HR: variants seen among roughly 807,000 people sequenced by gnomAD.
The protein encoded by HR is lysine-specific demethylase hairless.
HR carries 83 observed loss-of-function variants against 128.6 expected under a neutral mutation model. The observed-to-expected ratio is 0.65, with a 90% CI of 0.54 to 0.77. HR has a LOEUF of 0.77. Ranked by LOEUF, HR falls within the 30% of genes least tolerant of loss-of-function variation. HR has a pLI of 0.00. For synonymous variants in HR, 681 were observed against 658.2 expected, an observed-to-expected ratio of 1.03 and a Z score of -0.53; for missense variants, 1,490 against 1,574.6, an observed-to-expected ratio of 0.95 and a Z score of 0.91.
In HR at chr8:22,116,326, G is replaced by A. The variant is rs1376240763; in HGVS notation, c.3481C>T (p.Pro1161Ser). Residue 1161 changes from proline (P) to serine (S), a missense_variant, in exon 18 of 19, where the codon CCT (proline) becomes TCT (serine). By Grantham distance (74) the Pro-to-Ser change is moderately conservative (BLOSUM62 -1). Around this residue, in one of 3 missense-constraint regions of HR, gnomAD observed 423 missense variants for 495.9 expected, o/e 0.85. Coordinates refer to ENST00000381418, the MANE Select transcript of HR (RefSeq NM_005144.5). The surrounding 1 kb of genome is among the most constrained non-coding windows in gnomAD (Gnocchi z 4.2). The part of the protein sequence containing the change: ...QLCHQGPSLP[P>S]DCHLLYAQMD... ...TGGGCATAAAGCAGGTGGCAGTCAG[G>A]GGGAAGGCTGGGTCCCTGGTGGCAG... The A allele has an allele frequency of 4.3e-6, 7 of 1,612,586 alleles. No individual in the cohort carries two copies. The highest frequency in any genetic ancestry group is 5.9e-6 in the Non-Finnish European group (7 of 1,179,918).
chr8:22,123,617 T>TTGGGGGGGGCCC, intron 6 of HR, 32 bp downstream of exon 6: 2 of 292,090 alleles, frequency 6.8e-6, no homozygotes, highest in Non-Finnish European at 1.2e-5. Flanking sequence ...GAGGGCTCCA[T>TTGGGGGGGGCCC]CCCGCCCTCC....
At position 22,127,280 on chromosome 8, in the gene HR, A is replaced by AGTGCCGTGTGAGCCAT. The variant is rs764066541; in HGVS notation, c.1146_1161dup (p.Ser388MetfsTer10). The AGTGCCGTGTGAGCCAT allele has an allele frequency of 1.4e-5, 23 of 1,613,096 alleles. No individual in the cohort carries two copies. Among genetic ancestry groups the AGTGCCGTGTGAGCCAT allele is most frequent in the Non-Finnish European group, 1.9e-5 (22 of 1,180,034 alleles). On this transcript the variant is annotated frameshift_variant, in exon 3 of 19. Coordinates refer to ENST00000381418, the MANE Select transcript of HR (RefSeq NM_005144.5). LOFTEE classifies it high-confidence loss of function. The stretch of plus-strand genomic sequence containing the variant: ...CCGCGTGGACATTCAAACTGCTCCG[A>AGTGCCGTGTGAGCCAT]GTGCCGTGTGAGCCATGTCTTCTTC...
At chr8:22,124,366 A>C (rs1444537506) in intron 5 of HR, among the ~76,000 whole-genome samples, 1 of 152,210 alleles carries the variant, frequency 6.6e-6, no homozygotes, top group Non-Finnish European at 1.5e-5. Flanking sequence ...AAGTGCTGGG[A>C]TTACAGGCAT....
chr8:22,127,564 ACG>A lies in HR; in HGVS notation c.876_877del (p.Val293LeufsTer25). On this transcript the variant is annotated frameshift_variant, in exon 3 of 19. Coordinates refer to ENST00000381418, the MANE Select transcript of HR (RefSeq NM_005144.5). LOFTEE classifies it high-confidence loss of function. ...GTTCCCATCGCCTGGCCCAGCCCAG[ACG>A]TTGCCAAGAGTATGAACAAGGCCTG... 6.2e-7 allele frequency: 1 copy of A among 1,613,012 alleles called. No individual in the cohort carries two copies. Among genetic ancestry groups the A allele is most frequent in the Non-Finnish European group, 8.5e-7 (1 of 1,179,988 alleles).
chr8:22,121,008 G>A (rs1826736014), intron 10 of HR, 50 bp from the exon 11 acceptor site: 6 of 1,612,382 alleles, frequency 3.7e-6, no homozygotes, highest in Non-Finnish European at 5.1e-6. Flanking sequence ...CCACAGGGAG[G>A]GCAGGCCCAG....
intron 16 of HR, chr8:22,118,576 C>T: frequency 3.4e-6 from 1 of 297,070 alleles, no homozygotes; most frequent in South Asian, 4.1e-5. Flanking sequence ...CCAGCCCTGC[C>T]ACTGAGCTTC....
Position 22,120,320 on chromosome 8 carries a change from C to T in HR, c.2776+22G>A, listed in dbSNP as rs777004940. 6 of 1,613,608 alleles carry T rather than the reference C, an allele frequency of 3.7e-6. No individual in the cohort carries two copies. In the Admixed American group the frequency reaches 8.3e-5, roughly 22 times the overall value. On this transcript the variant is annotated intron_variant, in intron 12 of 18. Coordinates refer to ENST00000381418, the MANE Select transcript of HR (RefSeq NM_005144.5). ...AGGGCTTGGGCTCCCAGCTCCCTCT[C>T]CCCTGTGTTGGGGACACTTACGCTC...
Position 22,121,475 on chromosome 8 carries a change from G to A in HR, c.2203+138C>T, listed in dbSNP as rs1586376133. ...AAGAAGGTGTTTGGAGGCATGTCCT[G>A]AGGGGAGTAGTGGAGATTATTGGGG... On this transcript the variant is annotated intron_variant, in intron 9 of 18. Coordinates refer to ENST00000381418, the MANE Select transcript of HR (RefSeq NM_005144.5). The A allele has an allele frequency of 7.1e-6, 7 of 989,296 alleles. No homozygotes were observed. In the East Asian group the frequency reaches 1.7e-4, roughly 24 times the overall value. 61.3% of individuals were successfully genotyped at this position (989,296 alleles called of 1,614,324 possible).
chr8:22,125,938 G>A (rs891270606), intron 3 of HR, among the ~76,000 whole-genome samples: 7 of 152,348 alleles, frequency 4.6e-5, no homozygotes, highest in African/African-American at 1.2e-4. Flanking sequence ...TGAGGATGCC[G>A]TGACATGGAC....
chr8:22,120,968 G>A lies in HR; in HGVS notation c.2368-10C>T. ...TGGTGATGCGGTCATCCTGCAGAGA[G>A]GGGCACAGGGGCTTAGGACCCACTG... On this transcript the variant is annotated splice_polypyrimidine_tract_variant and intron_variant, in intron 10 of 18. Transcript: ENST00000381418. 3.1e-6 allele frequency: 5 copies of A among 1,604,178 alleles called. No homozygotes were observed. Among genetic ancestry groups the A allele is most frequent in the Non-Finnish European group, 4.3e-6 (5 of 1,175,540 alleles).
In HR at chr8:22,120,893, C is replaced by G. The variant is rs1220398681; in HGVS notation, c.2433G>C (p.Glu811Asp). 6 of 1,556,264 alleles carry G rather than the reference C, an allele frequency of 3.9e-6. 1 individual carries two copies. The highest frequency in any genetic ancestry group is 5.2e-6 in the Non-Finnish European group (6 of 1,149,970). ...CTCGAAGCCCCGGCCCCAGGGCTTT[C>G]TCCTGGATCTTCCGTTCCACCACCT... ...IAQVVERKIQ[E>D]KALGPGLRAG... Residue 811 changes from glutamate to aspartate, a missense_variant, in exon 11 of 19, where the codon GAG becomes GAC. Transcript: ENST00000381418.
At position 22,118,930 on chromosome 8, in the gene HR, G is replaced by A; in HGVS notation, c.3213+20C>T. 1 of 1,598,018 alleles carries A rather than the reference G, an allele frequency of 6.3e-7. No homozygotes were observed. The highest frequency in any genetic ancestry group is 8.6e-7 in the Non-Finnish European group (1 of 1,168,560). On this transcript the variant is annotated intron_variant, in intron 16 of 18. Transcript: ENST00000381418. Reference sequence around the variant, plus strand: ...AGGGCTGGGCGGGGGGAAGGGGAGGGCTCCCGGCTGCCTCCTCACCATCTG... The same window carrying A: ...AGGGCTGGGCGGGGGGAAGGGGAGGACTCCCGGCTGCCTCCTCACCATCTG...
In HR at chr8:22,119,080, G is replaced by A. The variant is rs1826666651; in HGVS notation, c.3098-15C>T. 1 of 1,613,516 alleles carries A rather than the reference G, an allele frequency of 6.2e-7. No individual in the cohort carries two copies. The highest frequency in any genetic ancestry group is 8.5e-7 in the Non-Finnish European group (1 of 1,179,902). ...TGAAAGGAAGTCTGAGGAGGAAAGA[G>A]CGCTCAGGCAGGCCCAGGGCTGGTG... On this transcript the variant is annotated splice_polypyrimidine_tract_variant and intron_variant, in intron 15 of 18. Transcript: ENST00000381418.
At chr8:22,129,300 A>T in intron 1 of HR, 90 bp from the exon 2 acceptor site, 1 of 1,152,754 alleles carries the variant, frequency 8.7e-7, no homozygotes, top group Non-Finnish European at 1.2e-6. Context: ...CCCTGGCAAC[A>T]CTGAGGCAGC....
In HR at chr8:22,117,029, GC is replaced by G; in HGVS notation, c.3223del (p.Ala1075ProfsTer30). On this transcript the variant is annotated frameshift_variant, in exon 17 of 19. Coordinates refer to ENST00000381418, the MANE Select transcript of HR (RefSeq NM_005144.5). LOFTEE classifies it high-confidence loss of function. ...IRRFLQMVCP[A>X]GAGALEPGAP... is the part of the protein sequence containing the mutation. ...GCCAGGCTCCAGGGCGCCTGCCCCG[GC>G]CGGGCACACCTCAAAGAAGAGAAGG... 1 of 1,506,298 alleles carries G rather than the reference GC, an allele frequency of 6.6e-7. No homozygotes were observed. Among genetic ancestry groups the G allele is most frequent in the South Asian group, 1.3e-5 (1 of 77,998 alleles). The allele number at this position is 1,506,298 out of a possible 1,614,324, so 93.3% of individuals were successfully genotyped here.
chr8:22,122,923 TA>T, intron 6 of HR, 44 bp from the exon 7 acceptor site: 1 of 1,525,416 alleles, frequency 6.6e-7, no homozygotes, highest in East Asian at 2.5e-5. Context: ...GAAATCAAGG[TA>T]ATCACAGGTT....
intron 6 of HR, 74 bp downstream of exon 6, chr8:22,123,575 A>T: frequency 7.0e-7 from 1 of 1,438,620 alleles, no homozygotes; most frequent in Non-Finnish European, 9.3e-7. Context: ...GAGGCAGCCA[A>T]CGAATGACCA....
chr8:22,126,736 C>T (rs1228078056), intron 3 of HR, among the ~76,000 whole-genome samples: 1 of 152,248 alleles, frequency 6.6e-6, no homozygotes, highest in Admixed American at 6.5e-5. Context: ...CGAGGTCACA[C>T]AGCTACCAAT....
rs1005268498 is a variant in HR, at chr8:22,120,406, G to C, written c.2712C>G (p.Leu904=). ...LGGQVQALSP[L]GPPQPSSLGS... is the part of the protein sequence containing the mutation. ...CCAGGCTGCTGGGCTGGGGAGGTCCGAGGGGGCTCAGCGCCTGCACCTGGC... is the reference window on the plus strand; with the variant it reads ...CCAGGCTGCTGGGCTGGGGAGGTCCCAGGGGGCTCAGCGCCTGCACCTGGC... Residue 904 remains leucine (L), a synonymous_variant, in exon 12 of 19, where the codon CTC becomes CTG. Transcript: ENST00000381418. 4 of 1,613,854 alleles carry C rather than the reference G, an allele frequency of 2.5e-6. No homozygotes were observed. The Admixed American group carries it at 6.7e-5, about 27-fold the overall frequency.
Sources: gnomAD v4.1 joint callset for allele counts (sites outside exome capture counted in the v4.1 genomes callset) on GRCh38, gnomAD v4.1.1 for gene constraint, gnomAD v4.1.1 regional missense constraint, Gnocchi (gnomAD v3.1) non-coding constraint, MANE v1.5 for transcripts, NCBI Gene and HGNC (gene_info 2026-07-23, HGNC 2026-07-21) for gene names.